Variants in CPSF2 observed in about 807,000 individuals in gnomAD.
The protein encoded by CPSF2 is cleavage and polyadenylation specificity factor subunit 2.
A neutral mutation model predicts 84.2 loss-of-function variants in CPSF2; 51 were observed. The ratio of observed to expected loss-of-function variants is 0.61; its 90% CI spans 0.48 to 0.77. The LOEUF (loss-of-function observed/expected upper bound fraction) is 0.77. Among genes scored for constraint, CPSF2 ranks in the 30% least tolerant of loss-of-function variants. The pLI, the probability that CPSF2 is intolerant of heterozygous loss-of-function variation, is 0.00. For missense variants in CPSF2, 641 were observed against 929.4 expected (o/e 0.69, Z 4.03); for synonymous variants, 286 against 311.9 (o/e 0.92, Z 0.87).
At chr14:92,124,516 A>G (rs183651033) in intron 1 of CPSF2, among the ~76,000 whole-genome samples, 5 of 152,300 alleles carry the variant, frequency 3.3e-5, no homozygotes, top group Admixed American at 3.3e-4. Context: ...ATGGTTGGCA[A>G]TACTATTAAA....
At chr14:92,128,703 A>G (rs1186624354) in intron 2 of CPSF2, among the ~76,000 whole-genome samples, 1 of 152,246 alleles carries the variant, frequency 6.6e-6, no homozygotes, top group Non-Finnish European at 1.5e-5. Context: ...GGGAAAAAGT[A>G]GTCAGCGAAT....
In CPSF2 at chr14:92,155,333, C is replaced by T; in HGVS notation, c.1442+10C>T. ...ATGGAGAGATTATCAAGTATGTGAG[C>T]AAAACAAACTTTTCTCTCTTACAAA... On this transcript the variant is annotated intron_variant, in intron 11 of 15. Transcript: ENST00000298875. The T allele has an allele frequency of 6.2e-7, 1 of 1,600,406 alleles. No individual in the cohort carries two copies.
chr14:92,155,853 T>G (rs1349945578), intron 11 of CPSF2, among the ~76,000 whole-genome samples: 1 of 151,944 alleles, frequency 6.6e-6, no homozygotes, highest in Non-Finnish European at 1.5e-5. Context: ...TTTTATGAGA[T>G]TAAGAGGAAT....
At chr14:92,155,382 A>AT (rs754818522) in intron 11 of CPSF2, 59 bp downstream of exon 11, 190 of 1,355,496 alleles carry the variant, frequency 1.4e-4, no homozygotes, top group Admixed American at 3.6e-4. Context: ...CTGTGTTATC[A>AT]TTTCATTTCA....
At chr14:92,154,576 A>G in intron 10 of CPSF2, 118 bp downstream of exon 10, 1 of 653,630 alleles carries the variant, frequency 1.5e-6, no homozygotes, top group South Asian at 2.4e-5. Context: ...ATTTTGTTAC[A>G]GACATCTTTC....
intron 6 of CPSF2, among the ~76,000 whole-genome samples, chr14:92,136,274 T>C (rs1377927773): frequency 6.6e-6 from 1 of 152,138 alleles, no homozygotes; most frequent in Non-Finnish European, 1.5e-5. Flanking sequence ...TTAAGACAAA[T>C]AGACTGAATT....
Position 92,161,119 on chromosome 14 carries a change from G to C in CPSF2, c.2129G>C (p.Gly710Ala). The C allele has an allele frequency of 6.2e-7, 1 of 1,613,376 alleles. No individual in the cohort carries two copies. Residue 710 changes from glycine (G) to alanine (A), a missense_variant, in exon 15 of 16, where the codon GGA becomes GCA. Gly to Ala is a moderately conservative substitution (Grantham distance 60, BLOSUM62 0). Coordinates refer to ENST00000298875, the MANE Select transcript of CPSF2 (RefSeq NM_017437.3). Reference protein sequence around the residue: ...LEPLPPHEVPGHQSVFMNEPR... With the variant: ...LEPLPPHEVPAHQSVFMNEPR... ...CCTTTGACCTTATCTAAGGTTCCTG[G>C]ACATCAGTCAGTTTTTATGAATGAA... is the stretch of plus-strand genomic sequence containing the variant.
Position 92,155,186 on chromosome 14 carries a change from T to G in CPSF2, c.1305T>G (p.His435Gln). Reference sequence around the variant, plus strand: ...AAGATATTGACCAGCCATCAGCTCATAAGACGAAGCATGACTTGATGATGA... The same window carrying G: ...AAGATATTGACCAGCCATCAGCTCAGAAGACGAAGCATGACTTGATGATGA... ...IEEDIDQPSA[H>Q]KTKHDLMMKG... is the part of the protein sequence containing the mutation. The change falls in exon 11 of 16, where the codon CAT (histidine) becomes CAG (glutamine). Residue 435 changes from histidine to glutamine, a missense_variant. This residue lies in a region of CPSF2 where 430 missense variants were observed against 553.6 expected (regional missense o/e 0.78). Coordinates refer to ENST00000298875, the MANE Select transcript of CPSF2 (RefSeq NM_017437.3). The G allele has an allele frequency of 1.2e-6, 2 of 1,614,082 alleles. No individual in the cohort carries two copies. Among genetic ancestry groups the G allele is most frequent in the East Asian group, 4.5e-5 (2 of 44,856 alleles).
chr14:92,162,938 G>C lies in CPSF2; in HGVS notation c.*1194G>C, dbSNP rs1222833803. The C allele has an allele frequency of 2.0e-5, 3 of 151,830 alleles. No homozygotes were observed. The highest frequency in any genetic ancestry group is 2.9e-5 in the Non-Finnish European group (2 of 67,970). The allele number at this position is 151,830 out of a possible 1,614,324, so 9.4% of individuals were successfully genotyped here. On this transcript the variant is annotated 3_prime_UTR_variant, in exon 16 of 16. Coordinates refer to ENST00000298875, the MANE Select transcript of CPSF2 (RefSeq NM_017437.3). ...TTACTCTTAATTTTTTTTTGAGACA[G>C]AGTCACCCAGGCTGGAGTGCAGTGG... is the stretch of plus-strand genomic sequence containing the variant.
chr14:92,150,743 G>C (rs868100419), intron 9 of CPSF2, among the ~76,000 whole-genome samples: 1 of 152,108 alleles, frequency 6.6e-6, no homozygotes, highest in Non-Finnish European at 1.5e-5. Flanking sequence ...ATTTTTATGT[G>C]AAATAATGAC....
intron 9 of CPSF2, among the ~76,000 whole-genome samples, chr14:92,146,928 C>G (rs1347674450): frequency 2.6e-5 from 4 of 152,178 alleles, no homozygotes; most frequent in Admixed American, 6.5e-5. Context: ...ATGGCTGGCT[C>G]CTGGTCATTC....
At position 92,122,021 on chromosome 14, in the gene CPSF2, G is replaced by A. The variant is rs1596118751; in HGVS notation, c.-201G>A. ...TGCCACTGTGGGGCTTCTGCCGGCC[G>A]GTAGTCCCTGGCGCTGCTGACCCAG... On this transcript the variant is annotated 5_prime_UTR_variant, in exon 1 of 16. Transcript: ENST00000298875. The A allele has an allele frequency of 8.2e-6, 5 of 608,434 alleles. No homozygotes were observed. The highest frequency in any genetic ancestry group is 8.7e-6 in the Non-Finnish European group (3 of 346,538). 37.7% of individuals were successfully genotyped at this position (608,434 alleles called of 1,614,324 possible).
Position 92,161,201 on chromosome 14 carries a change from T to C in CPSF2, c.2211T>C (p.Phe737=), listed in dbSNP as rs2069366959. Residue 737 remains phenylalanine (F), a synonymous_variant, in exon 15 of 16, where the codon TTT becomes TTC. Transcript: ENST00000298875. ...VLLREGIQAE[F]VGGVLVCNNQ... The stretch of plus-strand genomic sequence containing the variant: ...TACGGGAGGGGATTCAAGCTGAATT[T>C]GTAGGAGGTGTACTTGTTTGCAACA... 1 of 1,613,620 alleles carries C rather than the reference T, an allele frequency of 6.2e-7. No homozygotes were observed. Among genetic ancestry groups the C allele is most frequent in the Non-Finnish European group, 8.5e-7 (1 of 1,179,844 alleles).
intron 1 of CPSF2, among the ~76,000 whole-genome samples, chr14:92,124,195 G>C (rs2068816592): frequency 6.6e-6 from 1 of 152,210 alleles, no homozygotes; most frequent in Admixed American, 6.5e-5. Context: ...AAGGATCTTG[G>C]TTTCCAATAG....
At chr14:92,147,828 C>T (rs1056104467) in intron 9 of CPSF2, among the ~76,000 whole-genome samples, 4 of 152,106 alleles carry the variant, frequency 2.6e-5, no homozygotes, top group Non-Finnish European at 5.9e-5. Flanking sequence ...GGCTCAAGCG[C>T]GCCTCCTGCT....
chr14:92,143,897 C>T (rs1289363208), intron 9 of CPSF2, among the ~76,000 whole-genome samples: 1 of 152,154 alleles, frequency 6.6e-6, no homozygotes, highest in East Asian at 1.9e-4. Context: ...TAAGCATATA[C>T]AGGGTTTTCT....
rs1291847354 is a variant in CPSF2, at chr14:92,167,924, A to C, written c.*6180A>C. 1.3e-5 allele frequency: 2 copies of C among 148,438 alleles called. No homozygotes were observed. Among genetic ancestry groups the C allele is most frequent in the East Asian group, 4.0e-4 (2 of 5,052 alleles). 9.2% of individuals were successfully genotyped at this position (148,438 alleles called of 1,614,324 possible). A position where few individuals can be genotyped will look rare whatever the true frequency, so the allele number is the denominator to read the frequency against. On this transcript the variant is annotated 3_prime_UTR_variant, in exon 16 of 16. Transcript: ENST00000298875. ...TTTTTTTTTTTTCTGGTAACCATAG[A>C]ATGAATGTAGAATGAATTTGGATTC...
At chr14:92,150,924 T>C (rs1001046532) in intron 9 of CPSF2, among the ~76,000 whole-genome samples, 4 of 152,186 alleles carry the variant, frequency 2.6e-5, no homozygotes, top group Non-Finnish European at 5.9e-5. Context: ...CACTGTGAGA[T>C]TGACAACTTA....
chr14:92,161,033 A>T, intron 14 of CPSF2, 79 bp from the exon 15 acceptor site: 1 of 1,286,940 alleles, frequency 7.8e-7, no homozygotes, highest in Non-Finnish European at 1.1e-6. Context: ...GAGATAATGT[A>T]GTATTTTACT....
Sources: allele counts gnomAD v4.1 joint callset (sites outside exome capture counted in the v4.1 genomes callset), GRCh38; gene constraint gnomAD v4.1.1; regional missense constraint gnomAD v4.1.1; transcripts MANE v1.5; gene names NCBI Gene and HGNC (gene_info 2026-07-23, HGNC 2026-07-21).